The following KIFC3 variants were observed in gnomAD, a reference collection of about 807,000 sequenced individuals.
The protein encoded by KIFC3 is kinesin-like protein KIFC3.
In KIFC3, 60 loss-of-function variants were observed where a neutral mutation model predicts 101.8. The ratio of observed to expected loss-of-function variants is 0.59; its 90% CI spans 0.48 to 0.73. KIFC3 has a LOEUF of 0.73. KIFC3 is among the 30% of genes least tolerant of loss of function. KIFC3 has a pLI of 0.00. For synonymous variants in KIFC3, 476 were observed against 482.7 expected, an observed-to-expected ratio of 0.99 and a Z score of 0.18; for missense variants, 966 against 1,137.1, an observed-to-expected ratio of 0.85 and a Z score of 2.16.
intron 2 of KIFC3, chr16:57,797,594 C>A: frequency 1.5e-6 from 1 of 685,674 alleles, no homozygotes; most frequent in Non-Finnish European, 1.8e-6. Context: ...CCAAGCCCCG[C>A]CAGGCCACGT....
At chr16:57,798,361 G>T in intron 1 of KIFC3, 79 bp from the exon 2 acceptor site, 5 of 1,321,442 alleles carry the variant, frequency 3.8e-6, no homozygotes, top group Non-Finnish European at 5.3e-6. Context: ...CAGCCATCTG[G>T]AAGGGTCTAC....
intron 1 of KIFC3, among the ~76,000 whole-genome samples, chr16:57,801,544 T>A (rs907968016): frequency 2.0e-5 from 3 of 152,052 alleles, no homozygotes; most frequent in Admixed American, 1.3e-4. Flanking sequence ...AACAAGGGCA[T>A]GGGGAATACA....
rs112182711 is a variant in KIFC3, at chr16:57,788,859, T to C, written c.315+6140A>G. On this transcript the variant is annotated intron_variant, in intron 3 of 19. Transcript: ENST00000445690. ...CTCCCTTTGTGGGTGGGTGGGGACG[T>C]TGAGGTCCAGGATCTGGAAGAGGAT... is the stretch of plus-strand genomic sequence containing the variant. 3.8e-3 allele frequency: 2,583 copies of C among 676,526 alleles called. 50 individuals are homozygous for C. The African/African-American group carries it at 0.044, about 12-fold the overall frequency. The allele number at this position is 676,526 out of a possible 1,614,324, so 41.9% of individuals were successfully genotyped here.
chr16:57,803,491 G>C (rs1390423809), upstream of KIFC3: 1 of 428,472 alleles, frequency 2.3e-6, no homozygotes. Context: ...GTCCCTTCCT[G>C]CTTGTCAGGG....
rs781810281 is a variant in KIFC3, at chr16:57,795,162, A to G, written c.173-21T>C. 2.6e-5 allele frequency: 42 copies of G among 1,602,390 alleles called. No homozygotes were observed. The Admixed American group carries it at 7.1e-4, about 27-fold the overall frequency. On this transcript the variant is annotated intron_variant, in intron 2 of 19. Coordinates refer to ENST00000445690, the MANE Select transcript of KIFC3 (RefSeq NM_001130100.2). ...ACGCCCTGTCCCAGGACAGAGAGAT[A>G]GGTGAGACACTCCGACCACTGGCCA...
rs1399035373 is a variant in KIFC3, at chr16:57,853,261, A to C, written c.108+9468T>G. ...TGGTGAAACCCTGTCACTACTAAAA[A>C]TACAAATATTAGCTGGGCATGGTGG... On this transcript the variant is annotated intron_variant, in intron 1 of 2. Coordinates refer to the KIFC3 transcript ENST00000563028. Among the ~76,000 whole-genome samples, 4 of 152,144 alleles carry C rather than the reference A, an allele frequency of 2.6e-5. No individual in the cohort carries two copies. The East Asian group carries it at 7.7e-4, about 29-fold the overall frequency.
At chr16:57,813,540 C>A in intron 1 of KIFC3, 1 of 291,606 alleles carries the variant, frequency 3.4e-6, no homozygotes, top group Non-Finnish European at 5.1e-6. Context: ...CACCGGATGC[C>A]CCTGTCTTAA....
chr16:57,824,244 C>T (rs2055414203), intron 1 of KIFC3, among the ~76,000 whole-genome samples: 1 of 152,202 alleles, frequency 6.6e-6, no homozygotes, highest in Non-Finnish European at 1.5e-5. Flanking sequence ...GGCTCCCTGC[C>T]TTGGGGGAGC....
intron 3 of KIFC3, chr16:57,776,531 T>TA: frequency 2.3e-6 from 1 of 432,440 alleles, no homozygotes. Context: ...CTATGTCTCT[T>TA]AGTTTCCTTA....
At chr16:57,762,989 C>A (rs1352275827) in intron 12 of KIFC3, among the ~76,000 whole-genome samples, 1 of 152,104 alleles carries the variant, frequency 6.6e-6, no homozygotes, top group Non-Finnish European at 1.5e-5. Flanking sequence ...CCCAAGATGC[C>A]CCCTCAGGGA....
At position 57,761,487 on chromosome 16, in the gene KIFC3, G is replaced by C; in HGVS notation, c.1798C>G (p.Pro600Ala). Residue 600 changes from proline to alanine, a missense_variant, in exon 14 of 20, where the codon CCA becomes GCA. By Grantham distance (27) the Pro-to-Ala change is conservative (BLOSUM62 -1). Around this residue, in one of 2 missense-constraint regions of KIFC3, gnomAD observed 689 missense variants for 884.6 expected, o/e 0.78. Transcript: ENST00000445690. ...ACATACAGCTGCCCACTGCCGTCTGGGCACAGCCGGATCTCCAGTTTTTCC... is the reference window on the plus strand; with the variant it reads ...ACATACAGCTGCCCACTGCCGTCTGCGCACAGCCGGATCTCCAGTTTTTCC... ...PQEKLEIRLC[P>A]DGSGQLYVPG... 6.2e-7 allele frequency: 1 copy of C among 1,613,866 alleles called. No homozygotes were observed. The highest frequency in any genetic ancestry group is 1.3e-5 in the African/African-American group (1 of 75,006).
intron 1 of KIFC3, among the ~76,000 whole-genome samples, chr16:57,827,140 C>T (rs577633201): frequency 6.6e-6 from 1 of 152,354 alleles, no homozygotes; most frequent in East Asian, 1.9e-4. Context: ...ATTCAGGGTC[C>T]GCATCAGACT....
intron 3 of KIFC3, among the ~76,000 whole-genome samples, chr16:57,780,740 T>A (rs1277191884): frequency 2.3e-5 from 3 of 128,380 alleles, no homozygotes; most frequent in Non-Finnish European, 4.8e-5. Context: ...AGTGGCGCAA[T>A]CTTGGCTCAC....
At chr16:57,771,767 C>A in intron 4 of KIFC3, 81 bp from the exon 5 acceptor site, 2 of 1,497,366 alleles carry the variant, frequency 1.3e-6, no homozygotes, top group Non-Finnish European at 1.8e-6. Flanking sequence ...GGAGATGGCA[C>A]AAGGGCAGGG....
chr16:57,814,315 C>T (rs1445881127), intron 1 of KIFC3, among the ~76,000 whole-genome samples: 1 of 152,176 alleles, frequency 6.6e-6, no homozygotes, highest in African/African-American at 2.4e-5. Context: ...CCCAGGACCA[C>T]CTCCCCTTCC....
chr16:57,818,786 C>T (rs1405619337), intron 1 of KIFC3, among the ~76,000 whole-genome samples: 1 of 152,176 alleles, frequency 6.6e-6, no homozygotes, highest in African/African-American at 2.4e-5. Flanking sequence ...GTGGTCAATG[C>T]CATTGCTGTG....
In KIFC3 at chr16:57,764,180, T is replaced by C; in HGVS notation, c.1580A>G (p.Tyr527Cys). Residue 527 changes from tyrosine (Y) to cysteine (C), a missense_variant, in exon 12 of 20, where the codon TAC (tyrosine) becomes TGC (cysteine). Tyr to Cys is a radical substitution (Grantham distance 194). Coordinates refer to ENST00000445690, the MANE Select transcript of KIFC3 (RefSeq NM_001130100.2). Reference protein sequence around the residue: ...IDGFNVCIFAYGQTGAGKTYT... With the variant: ...IDGFNVCIFACGQTGAGKTYT... ...CGTCTTGCCGGCGCCCGTCTGGCCG[T>C]ACGCAAAGATGCAGACATTGAAGCC... 1 of 1,607,284 alleles carries C rather than the reference T, an allele frequency of 6.2e-7. No individual in the cohort carries two copies. The highest frequency in any genetic ancestry group is 8.5e-7 in the Non-Finnish European group (1 of 1,176,382).
At chr16:57,837,208 C>T (rs994961973) in intron 1 of KIFC3, among the ~76,000 whole-genome samples, 4 of 152,070 alleles carry the variant, frequency 2.6e-5, no homozygotes, top group African/African-American at 9.7e-5. Flanking sequence ...TGGCTCTTGC[C>T]TATAATCCCA....
At chr16:57,824,635 A>G (rs1046529894) in intron 1 of KIFC3, among the ~76,000 whole-genome samples, 8 of 152,202 alleles carry the variant, frequency 5.3e-5, no homozygotes, top group African/African-American at 1.9e-4. Context: ...GTGAACCAAG[A>G]TGGTGCCCCT....
Sources: allele counts gnomAD v4.1 joint callset (sites outside exome capture counted in the v4.1 genomes callset), GRCh38; gene constraint gnomAD v4.1.1; regional missense constraint gnomAD v4.1.1; transcripts MANE v1.5; gene names NCBI Gene and HGNC (gene_info 2026-07-23, HGNC 2026-07-21).